BTBD16: variants seen among roughly 807,000 people sequenced by gnomAD.
BTBD16 encodes the protein BTB domain containing 16.
Under a neutral mutation model 67.4 loss-of-function variants are expected in BTBD16, and 66 were observed. The observed-to-expected ratio is 0.98, with a 90% CI of 0.80 to 1.20. BTBD16 has a LOEUF of 1.20. Among genes scored for constraint, BTBD16 ranks in the 50% most tolerant of loss-of-function variants. The pLI is 0.00. For synonymous variants in BTBD16, 242 were observed against 236.4 expected, an observed-to-expected ratio of 1.02 and a Z score of -0.22; for missense variants, 634 against 616.0, an observed-to-expected ratio of 1.03 and a Z score of -0.31.
chr10:122,300,632 T>G (rs2096392202), intron 9 of BTBD16, among the ~76,000 whole-genome samples: 1 of 152,208 alleles, frequency 6.6e-6, no homozygotes, highest in African/African-American at 2.4e-5. Flanking sequence ...TTTACATTGA[T>G]GTAATACTTT....
chr10:122,332,583 G>A, intron 13 of BTBD16, 70 bp downstream of exon 13: 1 of 1,496,528 alleles, frequency 6.7e-7, no homozygotes, highest in Non-Finnish European at 9.2e-7. Context: ...CCTTTGGAGG[G>A]CAGCCATGAT....
intron 7 of BTBD16, chr10:122,294,054 C>G: frequency 2.3e-6 from 2 of 881,598 alleles, no homozygotes; most frequent in Non-Finnish European, 2.7e-6. Context: ...CACTGATGAG[C>G]AAACATAGGC....
intron 10 of BTBD16, among the ~76,000 whole-genome samples, chr10:122,317,178 T>C (rs764123483): frequency 1.3e-5 from 2 of 152,196 alleles, no homozygotes; most frequent in Admixed American, 6.5e-5. Context: ...CTACAAGTAT[T>C]TACTTTATAA....
At chr10:122,305,729 G>A (rs541248817) in intron 9 of BTBD16, among the ~76,000 whole-genome samples, 4 of 152,146 alleles carry the variant, frequency 2.6e-5, no homozygotes, top group East Asian at 1.9e-4. Context: ...TTCAATCCTC[G>A]CCCTCTTCCT....
At position 122,289,900 on chromosome 10, in the gene BTBD16, C is replaced by G; in HGVS notation, c.386-9C>G. On this transcript the variant is annotated splice_polypyrimidine_tract_variant and intron_variant, in intron 5 of 15. Transcript: ENST00000260723. ...CATCCTGCCATCATCATCTCATTTCCTTTACTAGCTCAATCACCTAAGAAG... is the reference window on the plus strand; with the variant it reads ...CATCCTGCCATCATCATCTCATTTCGTTTACTAGCTCAATCACCTAAGAAG... The G allele has an allele frequency of 6.2e-7, 1 of 1,611,164 alleles. No individual in the cohort carries two copies. Among genetic ancestry groups the G allele is most frequent in the Non-Finnish European group, 8.5e-7 (1 of 1,177,884 alleles).
intron 3 of BTBD16, among the ~76,000 whole-genome samples, chr10:122,279,550 T>C (rs2096348171): frequency 1.8e-5 from 1 of 55,960 alleles, no homozygotes; most frequent in African/African-American, 4.3e-5. Flanking sequence ...ACACACATCT[T>C]TTCTTTGTGT....
chr10:122,314,329 C>T (rs1409508097), intron 10 of BTBD16, among the ~76,000 whole-genome samples: 1 of 152,028 alleles, frequency 6.6e-6, no homozygotes, highest in African/African-American at 2.4e-5. Flanking sequence ...CATAGTGGGA[C>T]CTGTTCACAA....
chr10:122,336,605 G>T lies in BTBD16; in HGVS notation c.1375G>T (p.Asp459Tyr), dbSNP rs1454727184. 6.2e-7 allele frequency: 1 copy of T among 1,612,906 alleles called. No homozygotes were observed. Among genetic ancestry groups the T allele is most frequent in the African/African-American group, 1.3e-5 (1 of 74,850 alleles). Residue 459 changes from aspartate to tyrosine, a missense_variant, in exon 15 of 16, where the codon GAC becomes TAC. Coordinates refer to ENST00000260723, the MANE Select transcript of BTBD16 (RefSeq NM_144587.5). ...TGAGATCAGAGCAGAGGCCCTGGTT[G>T]ACGGCAAGTGGCAGGAGTTCAGGAC... ...KYEIRAEALV[D>Y]GKWQEFRTNQ...
chr10:122,327,724 G>GC, intron 10 of BTBD16: 1 of 874,892 alleles, frequency 1.1e-6, no homozygotes, highest in Non-Finnish European at 1.4e-6. Context: ...CTCTGGGACA[G>GC]GATGGCTGTC....
At chr10:122,276,350 A>G (rs1300722742) in intron 2 of BTBD16, among the ~76,000 whole-genome samples, 1 of 152,202 alleles carries the variant, frequency 6.6e-6, no homozygotes, top group Non-Finnish European at 1.5e-5. Flanking sequence ...ACACTGTAAA[A>G]TAGATACAAT....
intron 4 of BTBD16, among the ~76,000 whole-genome samples, 189 bp downstream of exon 4, chr10:122,284,113 G>A (rs1191335919): frequency 1.3e-5 from 2 of 152,172 alleles, no homozygotes; most frequent in African/African-American, 4.8e-5. Flanking sequence ...AGTGAGTGAA[G>A]TCAAGCTTGG....
chr10:122,307,059 T>G (rs762513829), intron 9 of BTBD16, 130 bp from the exon 10 acceptor site: 1 of 1,019,304 alleles, frequency 9.8e-7, no homozygotes, highest in Non-Finnish European at 1.4e-6. Flanking sequence ...ACCTGCTTGA[T>G]GTCTGAGGCT....
chr10:122,286,189 T>G lies in BTBD16; in HGVS notation c.326T>G (p.Leu109Arg). ...TCTGAGACCTTGGCCAAGCTCTACC[T>G]GAAAGCCCTGGCGCAGGGCACCACA... ...FQSETLAKLY[L>R]KALAQGTTHP... Residue 109 changes from leucine to arginine, a missense_variant, in exon 5 of 16, where the codon CTG (leucine) becomes CGG (arginine). Physicochemically the swap from Leu to Arg is moderately radical, Grantham distance 102. Transcript: ENST00000260723. 1 of 1,613,934 alleles carries G rather than the reference T, an allele frequency of 6.2e-7. No individual in the cohort carries two copies. The highest frequency in any genetic ancestry group is 8.5e-7 in the Non-Finnish European group (1 of 1,179,840).
chr10:122,309,297 T>G lies in BTBD16; in HGVS notation c.911+1989T>G, dbSNP rs115691442. Reference sequence around the variant, plus strand: ...GCATGTAGCCACATCTGGCTAATTTTTAAAATTATTACTATTATTATTTTT... The same window carrying G: ...GCATGTAGCCACATCTGGCTAATTTGTAAAATTATTACTATTATTATTTTT... On this transcript the variant is annotated intron_variant, in intron 10 of 15. Coordinates refer to ENST00000260723, the MANE Select transcript of BTBD16 (RefSeq NM_144587.5). Among the ~76,000 whole-genome samples, 501 of 152,204 alleles carry G rather than the reference T, an allele frequency of 3.3e-3. 5 individuals carry two copies. Among genetic ancestry groups the G allele is most frequent in the African/African-American group, 0.011 (474 of 41,536 alleles).
Position 122,334,888 on chromosome 10 carries a change from C to T in BTBD16, c.1172C>T (p.Thr391Ile). 6.5e-7 allele frequency: 1 copy of T among 1,549,794 alleles called. No homozygotes were observed. ...TTCTCTTTCCCAATTTAGGAGAATA[C>T]AACTTATTCGAAAACGATTGCTCTA... ...RFGLLFNQEN[T>I]TYSKTIALYG... The change falls in exon 14 of 16, where the codon ACA becomes ATA. Residue 391 changes from threonine (T) to isoleucine (I), a missense_variant. Thr to Ile is a moderately conservative substitution (Grantham distance 89, BLOSUM62 -1). Transcript: ENST00000260723.
chr10:122,290,281 G>A (rs147442376), intron 6 of BTBD16, among the ~76,000 whole-genome samples: 45 of 152,228 alleles, frequency 3.0e-4, no homozygotes, highest in African/African-American at 1.1e-3. Flanking sequence ...TCTCAGAGAC[G>A]GACCAAGCAC....
chr10:122,334,232 G>C (rs942136940), intron 13 of BTBD16, among the ~76,000 whole-genome samples: 1 of 139,950 alleles, frequency 7.1e-6, no homozygotes, highest in Non-Finnish European at 1.5e-5. Context: ...GTCTTGCTCT[G>C]TCACCCAGGC....
intron 7 of BTBD16, among the ~76,000 whole-genome samples, chr10:122,294,913 C>T (rs2096380357): frequency 6.6e-6 from 1 of 152,246 alleles, no homozygotes; most frequent in South Asian, 2.1e-4. Context: ...CTGTAGGTTT[C>T]GACAGACAAA....
At chr10:122,281,648 A>G (rs2096353448) in intron 3 of BTBD16, among the ~76,000 whole-genome samples, 1 of 152,188 alleles carries the variant, frequency 6.6e-6, no homozygotes, top group African/African-American at 2.4e-5. Flanking sequence ...TGCTAACTGA[A>G]GGCATGTCCT....
Sources: allele counts gnomAD v4.1 joint callset (sites outside exome capture counted in the v4.1 genomes callset), GRCh38; gene constraint gnomAD v4.1.1; transcripts MANE v1.5; gene names NCBI Gene and HGNC (gene_info 2026-07-23, HGNC 2026-07-21).